Variants in LRRC69 observed in about 807,000 individuals in gnomAD.
LRRC69 encodes leucine-rich repeat-containing protein 69.
Under a neutral mutation model 37.8 loss-of-function variants are expected in LRRC69, and 42 were observed. That is an observed-to-expected ratio of 1.11 (90% CI 0.87 to 1.44). LRRC69 has a LOEUF of 1.44. Among genes scored for constraint, LRRC69 ranks in the 40% most tolerant of loss-of-function variants. The pLI, the probability that LRRC69 is intolerant of heterozygous loss-of-function variation, is 0.00. For synonymous variants in LRRC69, 141 were observed against 143.1 expected (o/e 0.99, Z 0.11); for missense variants, 357 against 401.9 (o/e 0.89, Z 0.96).
exon 7 of LRRC69, chr8:91,200,755 T>C: frequency 6.5e-7 from 1 of 1,533,872 alleles, no homozygotes; most frequent in South Asian, 1.3e-5. Context: ...TTTATAACCG[T>C]ATGGCTGGAA....
intron 4 of LRRC69, 33 bp downstream of exon 4, chr8:91,133,338 G>T: frequency 2.8e-6 from 4 of 1,444,340 alleles, no homozygotes; most frequent in African/African-American, 1.5e-5. Flanking sequence ...GTAGTTTGCT[G>T]TTGGAGAAGA....
chr8:91,104,684 C>T (rs556644738), intron 1 of LRRC69, among the ~76,000 whole-genome samples: 2 of 152,128 alleles, frequency 1.3e-5, no homozygotes, highest in South Asian at 4.1e-4. Flanking sequence ...CAAGGACATT[C>T]CCTTTGTTGC....
chr8:91,104,552 T>C (rs934594436), intron 1 of LRRC69, among the ~76,000 whole-genome samples: 1 of 152,022 alleles, frequency 6.6e-6, no homozygotes, highest in African/African-American at 2.4e-5. Flanking sequence ...CTCATTTTAT[T>C]TCAAACTGTA....
intron 7 of LRRC69, among the ~76,000 whole-genome samples, chr8:91,202,083 G>T (rs1433541851): frequency 1.3e-5 from 2 of 152,124 alleles, no homozygotes; most frequent in East Asian, 3.9e-4. Flanking sequence ...ATGGGCGCCT[G>T]TAATCCCAGC....
At chr8:91,108,429 A>G (rs1216182566) in intron 1 of LRRC69, among the ~76,000 whole-genome samples, 1 of 152,078 alleles carries the variant, frequency 6.6e-6, no homozygotes, top group African/African-American at 2.4e-5. Flanking sequence ...AATGAAACAT[A>G]CAAATAAGTG....
downstream of LRRC69, chr8:91,219,208 T>G (rs920204151): frequency 4.4e-5 from 16 of 363,804 alleles, no homozygotes; most frequent in Non-Finnish European, 7.8e-5. Flanking sequence ...TTTTTTGGCT[T>G]AAAAAAGTAC....
At chr8:91,145,317 C>G (rs118112029) in intron 5 of LRRC69, among the ~76,000 whole-genome samples, 3 of 152,038 alleles carry the variant, frequency 2.0e-5, no homozygotes, top group Non-Finnish European at 4.4e-5. Flanking sequence ...ATAGTGATTT[C>G]CTTGGAACTA....
intron 5 of LRRC69, among the ~76,000 whole-genome samples, chr8:91,169,603 G>T (rs892070878): frequency 6.0e-4 from 90 of 148,870 alleles, no homozygotes; most frequent in African/African-American, 2.0e-3. Context: ...CATGTGCCAT[G>T]CTGGTGCGCT....
intron 1 of LRRC69, among the ~76,000 whole-genome samples, chr8:91,107,254 C>A (rs1813332855): frequency 1.3e-5 from 2 of 151,820 alleles, no homozygotes; most frequent in African/African-American, 4.8e-5. Context: ...CCTTCCTCAG[C>A]CTCCCGAGTG....
intron 7 of LRRC69, among the ~76,000 whole-genome samples, chr8:91,204,592 C>T (rs1809767717): frequency 6.6e-6 from 1 of 152,206 alleles, no homozygotes; most frequent in South Asian, 2.1e-4. Context: ...CTCCTGCATA[C>T]AAGTATGCTA....
At chr8:91,102,713 A>T (rs537890796) in exon 1 of LRRC69, 4 of 1,551,654 alleles carry the variant, frequency 2.6e-6, no homozygotes, top group South Asian at 1.2e-5. Context: ...AAATACGAAG[A>T]TCATTACTTT....
intron 5 of LRRC69, among the ~76,000 whole-genome samples, chr8:91,150,627 T>A (rs554132057): frequency 6.6e-6 from 1 of 152,046 alleles, no homozygotes; most frequent in Non-Finnish European, 1.5e-5. Context: ...ATTCTCTCTT[T>A]TTCTACTGAT....
chr8:91,134,857 C>T (rs1037565644), intron 4 of LRRC69, among the ~76,000 whole-genome samples: 1 of 152,062 alleles, frequency 6.6e-6, no homozygotes, highest in African/African-American at 2.4e-5. Flanking sequence ...CTTCGTAACA[C>T]TTCTCATTCT....
chr8:91,121,488 A>G (rs1186868682), intron 1 of LRRC69, among the ~76,000 whole-genome samples: 1 of 151,944 alleles, frequency 6.6e-6, no homozygotes, highest in African/African-American at 2.4e-5. Flanking sequence ...GGGCTCCTCA[A>G]CCACACCAAG....
At chr8:91,186,977 A>G (rs994493116) in intron 5 of LRRC69, among the ~76,000 whole-genome samples, 2 of 152,242 alleles carry the variant, frequency 1.3e-5, no homozygotes, top group Non-Finnish European at 2.9e-5. Flanking sequence ...TTAGGTGCCA[A>G]TGGAACTTCC....
intron 5 of LRRC69, among the ~76,000 whole-genome samples, chr8:91,186,835 G>A (rs1197273101): frequency 2.6e-5 from 4 of 152,088 alleles, no homozygotes; most frequent in Non-Finnish European, 4.4e-5. Flanking sequence ...ATGGAGGATG[G>A]AAAGAGAGGT....
chr8:91,166,909 C>A (rs1168570611), intron 5 of LRRC69, among the ~76,000 whole-genome samples: 1 of 151,882 alleles, frequency 6.6e-6, no homozygotes, highest in Non-Finnish European at 1.5e-5. Context: ...TTTTCAGACA[C>A]AGAGCTGGTT....
chr8:91,108,536 A>G (rs1813358149), intron 1 of LRRC69, among the ~76,000 whole-genome samples: 1 of 152,058 alleles, frequency 6.6e-6, no homozygotes, highest in African/African-American at 2.4e-5. Flanking sequence ...CTCTAGTCAG[A>G]CAAGTCTTGT....
chr8:91,166,390 C>T (rs1488660636), intron 5 of LRRC69, among the ~76,000 whole-genome samples: 1 of 149,674 alleles, frequency 6.7e-6, no homozygotes, highest in Non-Finnish European at 1.5e-5. Flanking sequence ...TTTCTTGCCA[C>T]TCATTTTTCC....
Sources: gnomAD v4.1 joint callset for allele counts (sites outside exome capture counted in the v4.1 genomes callset) on GRCh38, gnomAD v4.1.1 for gene constraint, MANE v1.5 for transcripts, NCBI Gene and HGNC (gene_info 2026-07-23, HGNC 2026-07-21) for gene names.